Variants in BACH2 observed in about 807,000 individuals in gnomAD.
BACH2 encodes transcription regulator protein BACH2.
BACH2 carries 5 observed loss-of-function variants against 61.8 expected under a neutral mutation model. The observed-to-expected ratio is 0.08, with a 90% CI of 0.04 to 0.17. The LOEUF is 0.17. BACH2 is among the 10% of genes least tolerant of loss of function. BACH2 has a pLI of 1.00. For missense variants in BACH2, 824 were observed against 1,091.1 expected (o/e 0.76, Z 3.45); for synonymous variants, 446 against 440.1 (o/e 1.01, Z -0.17).
chr6:90,127,687 A>T (rs948744840), intron 4 of BACH2, among the ~76,000 whole-genome samples: 29 of 152,330 alleles, frequency 1.9e-4, no homozygotes, highest in African/African-American at 6.3e-4. Flanking sequence ...GTTAAAAAAG[A>T]AGCCAGGTGG....
intron 4 of BACH2, among the ~76,000 whole-genome samples, chr6:90,169,427 C>G (rs1767739193): frequency 6.6e-6 from 1 of 152,138 alleles, no homozygotes; most frequent in Non-Finnish European, 1.5e-5. Flanking sequence ...ATTCTGACCC[C>G]CTCCCTGATA....
At chr6:90,254,913 C>T (rs1016496730) in intron 2 of BACH2, among the ~76,000 whole-genome samples, 3 of 152,170 alleles carry the variant, frequency 2.0e-5, no homozygotes, top group Non-Finnish European at 4.4e-5. Context: ...TCCCTACAAC[C>T]AACCAACCCA....
intron 4 of BACH2, among the ~76,000 whole-genome samples, chr6:90,130,106 T>C (rs1784029415): frequency 1.3e-5 from 2 of 152,114 alleles, no homozygotes; most frequent in Non-Finnish European, 1.5e-5. Flanking sequence ...CCTGACCTCA[T>C]GTGATCTGCC....
Position 89,997,391 on chromosome 6 carries a change from A to C in BACH2, c.243+11211T>G, listed in dbSNP as rs1326889067. On this transcript the variant is annotated intron_variant, in intron 6 of 8. Coordinates refer to ENST00000257749, the MANE Select transcript of BACH2 (RefSeq NM_021813.4). ...ATCTTCCCTGATTTCCCAAACTATG[A>C]AGTTCTTACCCTGAATCTGGGTGTT... Among the ~76,000 whole-genome samples, 5 of 152,242 alleles carry C rather than the reference A, an allele frequency of 3.3e-5. No individual in the cohort carries two copies. The East Asian group carries it at 9.6e-4, about 29-fold the overall frequency.
rs1010218061 is a variant in BACH2, at chr6:90,072,124, A to G, written c.-13+16837T>C. On this transcript the variant is annotated intron_variant, in intron 5 of 8. Coordinates refer to ENST00000257749, the MANE Select transcript of BACH2 (RefSeq NM_021813.4). ...TTCAAACCTGTGTTGTTTAAGGGTT[A>G]ATTGTACTATGTTCTCCTGTTTTAA... 2.0e-5 allele frequency among the ~76,000 whole-genome samples: 3 copies of G among 152,200 alleles called. No homozygotes were observed. In the East Asian group the frequency reaches 5.8e-4, roughly 29 times the overall value.
intron 4 of BACH2, among the ~76,000 whole-genome samples, chr6:90,189,585 G>A (rs567834095): frequency 9.8e-5 from 14 of 142,346 alleles, no homozygotes; most frequent in Non-Finnish European, 1.5e-4. Context: ...TCCGCAGTCC[G>A]GCCTGGGCGA....
chr6:89,937,347 G>T (rs1200030522), intron 8 of BACH2, among the ~76,000 whole-genome samples: 1 of 152,204 alleles, frequency 6.6e-6, no homozygotes. Context: ...CAGACACCTG[G>T]GTTTGCATTC....
chr6:90,285,046 T>C (rs1008462716), intron 1 of BACH2, among the ~76,000 whole-genome samples: 2 of 152,234 alleles, frequency 1.3e-5, no homozygotes, highest in African/African-American at 4.8e-5. Flanking sequence ...ATCATCCTTT[T>C]TCAAGACAGT....
chr6:90,050,774 AT>A (rs34979047), intron 5 of BACH2, among the ~76,000 whole-genome samples: 48 of 146,948 alleles, frequency 3.3e-4, no homozygotes, highest in Admixed American at 2.7e-4. Flanking sequence ...GTTCTCGGTA[AT>A]TTTTTTTTTT....
intron 6 of BACH2, among the ~76,000 whole-genome samples, chr6:90,006,350 C>T (rs993575386): frequency 6.6e-6 from 1 of 152,214 alleles, no homozygotes; most frequent in South Asian, 2.1e-4. Context: ...ATGTCCCCAA[C>T]AGCGCAGTTA....
intron 3 of BACH2, among the ~76,000 whole-genome samples, chr6:90,225,761 A>G (rs183621913): frequency 3.3e-5 from 5 of 152,306 alleles, no homozygotes; most frequent in African/African-American, 1.2e-4. Flanking sequence ...TGTATCCTGG[A>G]ACTTAAATAA....
intron 5 of BACH2, among the ~76,000 whole-genome samples, chr6:90,042,938 A>G (rs1779606760): frequency 1.3e-5 from 2 of 152,234 alleles, no homozygotes; most frequent in Admixed American, 6.5e-5. Flanking sequence ...GTGAGGAAGC[A>G]TAAGAGTGGC....
intron 1 of BACH2, among the ~76,000 whole-genome samples, 168 bp from the exon 2 acceptor site, chr6:90,272,109 CCA>C (rs1485671681): frequency 6.6e-6 from 1 of 152,070 alleles, no homozygotes; most frequent in Non-Finnish European, 1.5e-5. Flanking sequence ...CTCAGCAATA[CCA>C]CAGACTTTAA....
chr6:90,284,111 C>G (rs1363898443), intron 1 of BACH2, among the ~76,000 whole-genome samples: 1 of 152,124 alleles, frequency 6.6e-6, no homozygotes, highest in Non-Finnish European at 1.5e-5. Flanking sequence ...GTTGCTTTGA[C>G]TATAAAATAC....
At chr6:90,288,315 G>C (rs1298309110) in intron 1 of BACH2, among the ~76,000 whole-genome samples, 1 of 151,926 alleles carries the variant, frequency 6.6e-6, no homozygotes, top group Non-Finnish European at 1.5e-5. Context: ...TCATCTGCTT[G>C]ATTTTTTAAA....
chr6:90,211,126 CAAAA>C (rs3072672), intron 3 of BACH2, among the ~76,000 whole-genome samples: 2 of 45,358 alleles, frequency 4.4e-5, no homozygotes, highest in Admixed American at 3.0e-4. Flanking sequence ...GACTCCATCT[CAAAA>C]AAAAAAAAAA....
intron 5 of BACH2, among the ~76,000 whole-genome samples, chr6:90,018,857 G>T (rs1778218999): frequency 6.6e-6 from 1 of 152,096 alleles, no homozygotes; most frequent in Admixed American, 6.6e-5. Flanking sequence ...CTAAGCCACG[G>T]GGTAAGATCG....
rs537463109 is a variant in BACH2, at chr6:90,245,744, ATCTGAATTTGAAACAAGAGAAG to A, written c.-275+6747_-275+6768del. ...ACTAGCTATGAGGTGATCAGAAATA[ATCTGAATTTGAAACAAGAGAAG>A]TCTGAATTTGAAACAAGAGAAGTCT... On this transcript the variant is annotated intron_variant, in intron 3 of 8. Transcript: ENST00000257749. Among the ~76,000 whole-genome samples, 93 of 152,358 alleles carry A rather than the reference ATCTGAATTTGAAACAAGAGAAG, an allele frequency of 6.1e-4. 1 individual carries two copies. Among genetic ancestry groups the A allele is most frequent in the Non-Finnish European group, 1.0e-3 (71 of 68,034 alleles).
intron 7 of BACH2, among the ~76,000 whole-genome samples, chr6:89,940,794 AAT>A (rs148492616): frequency 0.012 from 1,883 of 152,290 alleles, 49 homozygotes; most frequent in African/African-American, 0.042. Flanking sequence ...TATTTAACCC[AAT>A]AGATAAAAAT....
Sources: allele counts gnomAD v4.1 joint callset (sites outside exome capture counted in the v4.1 genomes callset), GRCh38; gene constraint gnomAD v4.1.1; transcripts MANE v1.5; gene names NCBI Gene and HGNC (gene_info 2026-07-23, HGNC 2026-07-21).